Variants in SLC35F1 observed in about 807,000 individuals in gnomAD.
SLC35F1 encodes the protein solute carrier family 35 member F1, also known as chromosome 6 open reading frame 169.
A neutral mutation model predicts 48.7 loss-of-function variants in SLC35F1; 14 were observed. The observed-to-expected ratio is 0.29, with a 90% CI of 0.19 to 0.45. The LOEUF (loss-of-function observed/expected upper bound fraction) is 0.45, where lower values mean the gene tolerates loss of function less well. Ranked by LOEUF, SLC35F1 falls within the 20% of genes least tolerant of loss-of-function variation. The pLI is 1.00. For synonymous variants in SLC35F1, 190 were observed against 202.2 expected (o/e 0.94, Z 0.51); for missense variants, 404 against 500.0 (o/e 0.81, Z 1.83).
At chr6:118,258,709 T>C (rs1670696914) in intron 3 of SLC35F1, among the ~76,000 whole-genome samples, 1 of 152,016 alleles carries the variant, frequency 6.6e-6, no homozygotes, top group Non-Finnish European at 1.5e-5. Context: ...TAGTATGGTA[T>C]ATAACATGAC....
intron 1 of SLC35F1, among the ~76,000 whole-genome samples, chr6:118,120,367 C>G (rs1773536959): frequency 6.6e-6 from 1 of 152,104 alleles, no homozygotes; most frequent in Non-Finnish European, 1.5e-5. Context: ...TTAATTCATT[C>G]TAAGAGTAGA....
At chr6:118,161,052 A>G (rs990356048) in intron 2 of SLC35F1, among the ~76,000 whole-genome samples, 85 of 152,192 alleles carry the variant, frequency 5.6e-4, no homozygotes, top group African/African-American at 2.0e-3. Context: ...TAAATTCTCC[A>G]TGACCAATAC....
At chr6:118,137,861 T>A (rs1258267534) in intron 1 of SLC35F1, among the ~76,000 whole-genome samples, 8 of 152,206 alleles carry the variant, frequency 5.3e-5, no homozygotes, top group Non-Finnish European at 1.2e-4. Flanking sequence ...TTGATAGTTC[T>A]GTGCTGTCCT....
At chr6:118,237,675 C>T (rs1354508986) in intron 3 of SLC35F1, among the ~76,000 whole-genome samples, 1 of 152,190 alleles carries the variant, frequency 6.6e-6, no homozygotes, top group Non-Finnish European at 1.5e-5. Flanking sequence ...CAGGCATGAG[C>T]CACACGCCCA....
intron 1 of SLC35F1, among the ~76,000 whole-genome samples, chr6:118,057,122 AGT>A (rs1772474111): frequency 1.3e-5 from 2 of 152,152 alleles, no homozygotes; most frequent in African/African-American, 4.8e-5. Flanking sequence ...TAAACTCCAG[AGT>A]CTATGAGAAG....
intron 1 of SLC35F1, among the ~76,000 whole-genome samples, chr6:118,067,271 G>A (rs1486944748): frequency 6.6e-6 from 1 of 152,114 alleles, no homozygotes; most frequent in Non-Finnish European, 1.5e-5. Context: ...TTAAATTTGA[G>A]GCCCAGATAG....
intron 1 of SLC35F1, among the ~76,000 whole-genome samples, chr6:117,972,091 C>G (rs948520180): frequency 6.6e-6 from 1 of 152,180 alleles, no homozygotes; most frequent in Admixed American, 6.5e-5. Flanking sequence ...TACTTTGCTG[C>G]TTAGAAATTT....
At chr6:118,071,449 A>G (rs1194476938) in intron 1 of SLC35F1, among the ~76,000 whole-genome samples, 1 of 151,454 alleles carries the variant, frequency 6.6e-6, no homozygotes, top group East Asian at 1.9e-4. Context: ...ATCCCTCCAT[A>G]TTTCAGCTCC....
intron 1 of SLC35F1, among the ~76,000 whole-genome samples, chr6:118,050,110 C>A (rs1246164148): frequency 2.6e-5 from 4 of 151,798 alleles, no homozygotes; most frequent in Non-Finnish European, 5.9e-5. Context: ...CAAACTATCA[C>A]AAGGACAAAA....
intron 1 of SLC35F1, among the ~76,000 whole-genome samples, chr6:118,003,789 A>G (rs758010512): frequency 2.0e-5 from 3 of 152,224 alleles, no homozygotes; most frequent in Non-Finnish European, 2.9e-5. Flanking sequence ...ATAAAGCTTC[A>G]GATCTCACAG....
intron 1 of SLC35F1, among the ~76,000 whole-genome samples, chr6:117,951,262 T>C (rs1776360104): frequency 6.6e-6 from 1 of 152,176 alleles, no homozygotes; most frequent in Non-Finnish European, 1.5e-5. Context: ...ATCTGTGCTT[T>C]TACAGGAAGA....
intron 2 of SLC35F1, among the ~76,000 whole-genome samples, chr6:118,159,090 A>G (rs1211327716): frequency 6.6e-6 from 1 of 151,814 alleles, no homozygotes. Flanking sequence ...GCGTGGTGGC[A>G]GGCGCCTGTA....
At chr6:118,030,593 A>G (rs1772031111) in intron 1 of SLC35F1, among the ~76,000 whole-genome samples, 1 of 152,168 alleles carries the variant, frequency 6.6e-6, no homozygotes, top group Non-Finnish European at 1.5e-5. Flanking sequence ...GGGGGCAATA[A>G]AGGAAGAGTG....
intron 1 of SLC35F1, among the ~76,000 whole-genome samples, chr6:118,090,917 C>G (rs1275491384): frequency 6.6e-6 from 1 of 152,036 alleles, no homozygotes; most frequent in Non-Finnish European, 1.5e-5. Context: ...GGGCTTGGAC[C>G]AGAGAGGGAA....
At chr6:118,030,914 A>C (rs1398488190) in intron 1 of SLC35F1, among the ~76,000 whole-genome samples, 1 of 152,120 alleles carries the variant, frequency 6.6e-6, no homozygotes, top group Non-Finnish European at 1.5e-5. Context: ...TTTTTTTCAT[A>C]ATAATATGTA....
chr6:118,140,659 T>C (rs1024041236), intron 1 of SLC35F1, among the ~76,000 whole-genome samples: 11 of 151,918 alleles, frequency 7.2e-5, no homozygotes, highest in African/African-American at 2.2e-4. Context: ...TCAGGAGATA[T>C]CCCAGAAGAA....
intron 1 of SLC35F1, among the ~76,000 whole-genome samples, chr6:117,973,589 G>T (rs537718334): frequency 1.3e-3 from 190 of 150,988 alleles, no homozygotes; most frequent in African/African-American, 4.2e-3. Flanking sequence ...ATATTTTTTT[G>T]AGACAAGGTC....
chr6:118,047,774 G>T (rs1035846525), intron 1 of SLC35F1, among the ~76,000 whole-genome samples: 1 of 152,116 alleles, frequency 6.6e-6, no homozygotes, highest in Admixed American at 6.6e-5. Context: ...CTTAGTGGTG[G>T]TTGGGCCTGT....
intron 1 of SLC35F1, among the ~76,000 whole-genome samples, chr6:118,000,567 C>T (rs1777076835): frequency 1.3e-5 from 2 of 152,156 alleles, no homozygotes; most frequent in African/African-American, 2.4e-5. Flanking sequence ...CTCACCACTC[C>T]TATTCAACAT....
Sources: gnomAD v4.1 joint callset for allele counts (sites outside exome capture counted in the v4.1 genomes callset) on GRCh38, gnomAD v4.1.1 for gene constraint, MANE v1.5 for transcripts, NCBI Gene and HGNC (gene_info 2026-07-23, HGNC 2026-07-21) for gene names.